Variants in PRSS3 observed in about 807,000 individuals in gnomAD.
PRSS3 encodes the protein serine protease 3, also known as trypsin-3.
In PRSS3, 14 loss-of-function variants were observed where a neutral mutation model predicts 20.8. The ratio of observed to expected loss-of-function variants is 0.67; its 90% CI spans 0.44 to 1.05. The LOEUF is 1.05. Ranked by LOEUF, PRSS3 falls within the 50% of genes least tolerant of loss-of-function variation. PRSS3 has a pLI of 0.00. For missense variants in PRSS3, 237 were observed against 306.4 expected, an observed-to-expected ratio of 0.77 and a Z score of 1.69; for synonymous variants, 91 against 117.6, an observed-to-expected ratio of 0.77 and a Z score of 1.46.
Position 33,750,779 on chromosome 9 carries a change from G to C in PRSS3, c.-53+52G>C. ...TTGAAACTGGAGGAGGGCTCGAAGG[G>C]AGAGGGAGCCCCGCCAAGGAGCGGG... On this transcript the variant is annotated intron_variant, in intron 1 of 5. Transcript: ENST00000342836. This position sits in a 1 kb window ranked among gnomAD's most constrained non-coding sequence, Gnocchi z 4.8. 1 of 1,415,426 alleles carries C rather than the reference G, an allele frequency of 7.1e-7. No individual in the cohort carries two copies. The highest frequency in any genetic ancestry group is 9.2e-7 in the Non-Finnish European group (1 of 1,089,842). 87.7% of individuals were successfully genotyped at this position (1,415,426 alleles called of 1,614,324 possible).
intron 1 of PRSS3, among the ~76,000 whole-genome samples, chr9:33,779,254 G>T (rs1824072665): frequency 6.6e-6 from 1 of 152,146 alleles, no homozygotes; most frequent in Admixed American, 6.5e-5. Context: ...TAGCTGAAAT[G>T]ACAAACACAA....
At chr9:33,787,558 T>C (rs970562307) in intron 1 of PRSS3, among the ~76,000 whole-genome samples, 1 of 152,224 alleles carries the variant, frequency 6.6e-6, no homozygotes, top group Admixed American at 6.5e-5. Flanking sequence ...TTGATTGTGC[T>C]ACTCTATTCC....
At chr9:33,762,503 G>A (rs753059967) in intron 1 of PRSS3, among the ~76,000 whole-genome samples, 3 of 152,142 alleles carry the variant, frequency 2.0e-5, no homozygotes, top group East Asian at 1.9e-4. Flanking sequence ...CATAGAACAC[G>A]AAGAGGTATT....
chr9:33,782,823 C>T (rs1426324949), intron 1 of PRSS3, among the ~76,000 whole-genome samples: 2 of 152,048 alleles, frequency 1.3e-5, no homozygotes, highest in African/African-American at 4.8e-5. Context: ...AAAACTAAAC[C>T]CCTATGATCA....
chr9:33,792,346 A>C (rs899140800), upstream of PRSS3, among the ~76,000 whole-genome samples: 5 of 152,150 alleles, frequency 3.3e-5, no homozygotes, highest in Non-Finnish European at 7.4e-5. Context: ...TTAAAAAAAA[A>C]AGAATTTGGA....
chr9:33,762,360 G>A (rs560042170), intron 1 of PRSS3, among the ~76,000 whole-genome samples: 4 of 152,280 alleles, frequency 2.6e-5, no homozygotes, highest in Admixed American at 1.3e-4. Context: ...TCAGGCCCCT[G>A]AGCCCACTGT....
In PRSS3 at chr9:33,771,650, T is replaced by G. The variant is rs1229517522; in HGVS notation, c.-53+20923T>G. Reference sequence around the variant, plus strand: ...TTTTGTTTTTTTGTTTTTTTGTTTTTTTTTTTTTTGAGACAGGGTCTCTTC... The same window carrying G: ...TTTTGTTTTTTTGTTTTTTTGTTTTGTTTTTTTTTGAGACAGGGTCTCTTC... On this transcript the variant is annotated intron_variant, in intron 1 of 5. Coordinates refer to the PRSS3 transcript ENST00000342836. Among the ~76,000 whole-genome samples the G allele has an allele frequency of 7.0e-4, 102 of 146,314 alleles. 1 individual carries two copies. The highest frequency in any genetic ancestry group is 2.5e-3 in the African/African-American group (99 of 40,114).
At chr9:33,786,242 C>G in intron 1 of PRSS3, 1 of 546,256 alleles carries the variant, frequency 1.8e-6, no homozygotes. Flanking sequence ...TGCTCCTTCT[C>G]CGGGGATTAG....
intron 1 of PRSS3, among the ~76,000 whole-genome samples, chr9:33,778,862 T>G (rs1217459901): frequency 6.6e-6 from 1 of 152,192 alleles, no homozygotes; most frequent in Non-Finnish European, 1.5e-5. Flanking sequence ...CCTCAGAGCA[T>G]GCCTGTGAAC....
intron 1 of PRSS3, among the ~76,000 whole-genome samples, chr9:33,774,769 T>G (rs1437102313): frequency 2.6e-5 from 4 of 152,052 alleles, no homozygotes; most frequent in Non-Finnish European, 5.9e-5. Flanking sequence ...GTGGATCACT[T>G]GAGGTCAGGA....
chr9:33,789,528 T>C (rs1306759925), intron 1 of PRSS3, among the ~76,000 whole-genome samples: 1 of 152,230 alleles, frequency 6.6e-6, no homozygotes, highest in African/African-American at 2.4e-5. Context: ...ACTGTGTATC[T>C]CTTTGTGTAC....
At chr9:33,755,692 G>T (rs1822908744) in intron 1 of PRSS3, among the ~76,000 whole-genome samples, 1 of 152,168 alleles carries the variant, frequency 6.6e-6, no homozygotes, top group Non-Finnish European at 1.5e-5. Flanking sequence ...ATGGAATGGG[G>T]TGTAGGAATT....
intron 1 of PRSS3, among the ~76,000 whole-genome samples, chr9:33,779,784 G>A (rs1015635509): frequency 2.0e-5 from 3 of 148,730 alleles, no homozygotes; most frequent in Non-Finnish European, 3.0e-5. Context: ...CAGGAGAATG[G>A]CGTGAACCTG....
At chr9:33,794,067 G>C (rs986672724), upstream of PRSS3, among the ~76,000 whole-genome samples, 23 of 152,224 alleles carry the variant, frequency 1.5e-4, no homozygotes, top group African/African-American at 5.3e-4. Flanking sequence ...AGCTGAACCT[G>C]AAGGTACTCT....
At chr9:33,776,540 C>CA (rs1411593586) in intron 1 of PRSS3, among the ~76,000 whole-genome samples, 1 of 152,058 alleles carries the variant, frequency 6.6e-6, no homozygotes, top group Non-Finnish European at 1.5e-5. Context: ...ACACATAGAG[C>CA]AATGGAACAG....
intron 1 of PRSS3, among the ~76,000 whole-genome samples, chr9:33,755,674 C>T (rs1822907435): frequency 6.6e-6 from 1 of 152,194 alleles, no homozygotes; most frequent in South Asian, 2.1e-4. Context: ...AGTCTTTCCC[C>T]CCACCCCATG....
chr9:33,798,300 C>T (rs993192522), intron 3 of PRSS3, 186 bp from the exon 4 acceptor site: 22 of 1,242,630 alleles, frequency 1.8e-5, no homozygotes, highest in Middle Eastern at 2.2e-4. Context: ...GCTGTGATCA[C>T]GTCTTGGGAG....
chr9:33,778,145 C>T (rs1417237885), intron 1 of PRSS3, among the ~76,000 whole-genome samples: 1 of 152,060 alleles, frequency 6.6e-6, no homozygotes, highest in Non-Finnish European at 1.5e-5. Flanking sequence ...ATCCCAAACT[C>T]ATTTATGATA....
At chr9:33,781,056 C>T (rs1587387521) in intron 1 of PRSS3, among the ~76,000 whole-genome samples, 1 of 152,174 alleles carries the variant, frequency 6.6e-6, no homozygotes, top group African/African-American at 2.4e-5. Flanking sequence ...ATACAGAACA[C>T]TCCACCCAAA....
Sources: gnomAD v4.1 joint callset for allele counts (sites outside exome capture counted in the v4.1 genomes callset) on GRCh38, gnomAD v4.1.1 for gene constraint, Gnocchi (gnomAD v3.1) non-coding constraint, MANE v1.5 for transcripts, NCBI Gene and HGNC (gene_info 2026-07-23, HGNC 2026-07-21) for gene names.